Variants in MYO15B observed in about 807,000 individuals in gnomAD.
MYO15B encodes myosin XVB.
MYO15B carries 207 observed loss-of-function variants against 119.3 expected under a neutral mutation model. That is an observed-to-expected ratio of 1.73 (90% confidence interval 1.55 to 1.95). The LOEUF is 1.95. Ranked by LOEUF, MYO15B falls within the 30% of genes most tolerant of loss-of-function variation. The pLI is 0.00. For missense variants in MYO15B, 2,264 were observed against 1,203.1 expected (o/e 1.88, Z -13.04); for synonymous variants, 966 against 498.9 (o/e 1.94, Z -12.48).
chr17:75,603,113 C>A (rs551251209), intron 18 of MYO15B, 36 bp downstream of exon 18: 2 of 703,154 alleles, frequency 2.8e-6, no homozygotes, highest in South Asian at 1.5e-5. Context: ...GGGCCCTCCC[C>A]CTCCCTGCAC....
At chr17:75,588,577 C>T (rs1477116810) in exon 1 of MYO15B, 1 of 399,198 alleles carries the variant, frequency 2.5e-6, no homozygotes. Flanking sequence ...CGGCAGCCAG[C>T]GCGGCACAGC....
Position 75,614,691 on chromosome 17 carries a change from T to G in MYO15B, c.5482+8T>G, listed in dbSNP as rs2058253965. On this transcript the variant is annotated splice_region_variant and intron_variant, in intron 31 of 63. Transcript: ENST00000645453. ...CCAGCAGGGACCACACAGGTAAGGC[T>G]GGAGTGGGCACATGGAGGTTGGCAG... is the stretch of plus-strand genomic sequence containing the variant. The G allele has an allele frequency of 1.4e-6, 1 of 702,276 alleles. No homozygotes were observed. The highest frequency in any genetic ancestry group is 1.7e-5 in the African/African-American group (1 of 57,238). The allele number at this position is 702,276 out of a possible 1,614,324, so 43.5% of individuals were successfully genotyped here.
exon 42 of MYO15B, chr17:75,617,820 G>T (rs760315860): frequency 7.1e-6 from 5 of 702,324 alleles, no homozygotes. Context: ...GCTTGACACA[G>T]CCCGTGGAGG....
intron 43 of MYO15B, among the ~76,000 whole-genome samples, chr17:75,618,669 A>C (rs902718661): frequency 1.3e-5 from 2 of 152,216 alleles, no homozygotes; most frequent in African/African-American, 2.4e-5. Flanking sequence ...AGAAGTAGGG[A>C]CCATTATTCA....
At chr17:75,618,055 T>C in intron 42 of MYO15B, 71 bp from the exon 43 acceptor site, 2 of 696,682 alleles carry the variant, frequency 2.9e-6, no homozygotes, top group Non-Finnish European at 5.3e-6. Flanking sequence ...TTTCCAGGCC[T>C]GGGAGGGCAG....
chr17:75,616,239 A>C (rs2058363595), intron 37 of MYO15B, 73 bp from the exon 38 acceptor site: 1 of 586,390 alleles, frequency 1.7e-6, no homozygotes, highest in African/African-American at 1.9e-5. Flanking sequence ...TGCTCCCCGG[A>C]GTTGGTGCGG....
At chr17:75,610,744 G>A (rs1598838704) in intron 22 of MYO15B, 156 bp from the exon 23 acceptor site, 4 of 622,868 alleles carry the variant, frequency 6.4e-6, no homozygotes, top group South Asian at 1.8e-5. Context: ...GAGGGCCCTG[G>A]AGGGCCAGGG....
At chr17:75,600,430 C>T (rs1598759216) in intron 14 of MYO15B, among the ~76,000 whole-genome samples, 2 of 145,946 alleles carry the variant, frequency 1.4e-5, no homozygotes, top group Non-Finnish European at 3.0e-5. Context: ...ATCCCCATTT[C>T]TTTTTTTTTT....
At chr17:75,592,350 G>C in intron 7 of MYO15B, 49 bp downstream of exon 7, 1 of 701,480 alleles carries the variant, frequency 1.4e-6, no homozygotes, top group Non-Finnish European at 2.6e-6. Flanking sequence ...AGAGTAGGAA[G>C]GGCAGAGGGT....
intron 53 of MYO15B, among the ~76,000 whole-genome samples, chr17:75,622,752 T>A (rs540571864): frequency 6.6e-6 from 1 of 152,334 alleles, no homozygotes; most frequent in African/African-American, 2.4e-5. Flanking sequence ...CAGAGTGTGC[T>A]GACCAATTGC....
At chr17:75,610,142 C>T (rs1402721930) in intron 21 of MYO15B, 24 bp from the exon 22 acceptor site, 2 of 692,350 alleles carry the variant, frequency 2.9e-6, no homozygotes, top group Non-Finnish European at 2.6e-6. Flanking sequence ...CTTCATTTCG[C>T]CCCCGCTCTT....
At chr17:75,604,094 A>AGG (rs2147876238) in intron 19 of MYO15B, among the ~76,000 whole-genome samples, 1 of 152,294 alleles carries the variant, frequency 6.6e-6, no homozygotes, top group Non-Finnish European at 1.5e-5. Flanking sequence ...AGCAAAAGGC[A>AGG]GGCAGTAGGG....
chr17:75,594,083 C>G (rs902392052), intron 9 of MYO15B, among the ~76,000 whole-genome samples: 17 of 105,064 alleles, frequency 1.6e-4, no homozygotes, highest in African/African-American at 5.9e-4. Context: ...GAGTGAGACC[C>G]TGTCTCAAAA....
chr17:75,594,725 C>T lies in MYO15B; in HGVS notation c.3130C>T (p.Arg1044Ter), dbSNP rs576663140. The T allele has an allele frequency of 1.0e-4, 71 of 703,064 alleles. No individual in the cohort carries two copies. The highest frequency in any genetic ancestry group is 9.0e-4 in the South Asian group (61 of 67,608). 43.6% of individuals were successfully genotyped at this position (703,064 alleles called of 1,614,324 possible). A position where few individuals can be genotyped will look rare whatever the true frequency, so the allele number is the denominator to read the frequency against. Residue 1044 changes from arginine (R) to a stop codon, truncating the protein, a stop_gained, in exon 11 of 64, where the codon CGA becomes TGA. Coordinates refer to ENST00000645453, the Ensembl canonical transcript of MYO15B. LOFTEE classifies it high-confidence loss of function. ...GGAGACGCCCTATGGCCAGGTCTCGCGATCCCTGCCCGTGGAAAGTGCCTT... is the reference window on the plus strand; with the variant it reads ...GGAGACGCCCTATGGCCAGGTCTCGTGATCCCTGCCCGTGGAAAGTGCCTT...
rs191629840 is a variant in MYO15B at position 75,603,329 on chromosome 17, C to A, written c.4016+17C>A. ...CCTGGCCAGGTGGGGCCCAGCACCTCGGGGCAGGACTGACAAGGAGGCCAC... is the reference window on the plus strand; with the variant it reads ...CCTGGCCAGGTGGGGCCCAGCACCTAGGGGCAGGACTGACAAGGAGGCCAC... On this transcript the variant is annotated intron_variant, in intron 19 of 63. Transcript: ENST00000645453. The A allele has an allele frequency of 2.8e-6, 2 of 702,574 alleles. No individual in the cohort carries two copies. Among genetic ancestry groups the A allele is most frequent in the East Asian group, 5.4e-5 (2 of 37,286 alleles). 43.5% of individuals were successfully genotyped at this position (702,574 alleles called of 1,614,324 possible).
intron 60 of MYO15B, 111 bp downstream of exon 60, chr17:75,625,349 G>A: frequency 1.6e-6 from 1 of 640,432 alleles, no homozygotes; most frequent in Non-Finnish European, 2.8e-6. Flanking sequence ...AGCGGGGCCT[G>A]TGAACATCTG....
intron 19 of MYO15B, among the ~76,000 whole-genome samples, chr17:75,604,765 G>A (rs977457281): frequency 1.3e-5 from 2 of 151,816 alleles, no homozygotes; most frequent in Non-Finnish European, 2.9e-5. Flanking sequence ...CTGAGCGCCT[G>A]GCATAGAGCA....
Position 75,625,906 on chromosome 17 carries a change from C to T in MYO15B, c.9001C>T (p.Gln3001Ter). ...CTATGGGGTGCTGCGAGTGAGCATG[C>T]AGGCCCTGTCCGGACCCACTCTCCT... The change falls in exon 62 of 64, where the codon CAG becomes TAG. Residue 3001 changes from glutamine (Q) to a stop codon, truncating the protein, a stop_gained. Transcript: ENST00000645453. LOFTEE classifies it high-confidence loss of function. The T allele has an allele frequency of 1.4e-6, 1 of 702,958 alleles. No individual in the cohort carries two copies. 43.5% of individuals were successfully genotyped at this position (702,958 alleles called of 1,614,324 possible).
chr17:75,594,810 A>G (rs1323453202), intron 11 of MYO15B, 30 bp from the exon 12 acceptor site: 5 of 702,676 alleles, frequency 7.1e-6, no homozygotes, highest in Middle Eastern at 2.3e-4. Context: ...GCACGGCTCT[A>G]TGTGGCTCAC....
Sources: allele counts gnomAD v4.1 joint callset (sites outside exome capture counted in the v4.1 genomes callset), GRCh38; gene constraint gnomAD v4.1.1; transcripts MANE v1.5; gene names NCBI Gene and HGNC (gene_info 2026-07-23, HGNC 2026-07-21).